EFR3B: variants seen among roughly 807,000 people sequenced by gnomAD.
EFR3B encodes the protein EFR3 homolog B, also known as protein EFR3 homolog B.
A neutral mutation model predicts 104.7 loss-of-function variants in EFR3B; 64 were observed. The observed-to-expected ratio is 0.61, with a 90% CI of 0.50 to 0.75. The LOEUF is 0.75. EFR3B is among the 30% of genes least tolerant of loss of function. The pLI, the probability that EFR3B is intolerant of heterozygous loss-of-function variation, is 0.00. For missense variants in EFR3B, 750 were observed against 1,078.5 expected, an observed-to-expected ratio of 0.70 and a Z score of 4.27; for synonymous variants, 385 against 417.9, an observed-to-expected ratio of 0.92 and a Z score of 0.96.
rs1207521528 is a variant in EFR3B at position 25,042,395 on chromosome 2, C to A, written c.7+76C>A. 2 of 1,228,364 alleles carry A rather than the reference C, an allele frequency of 1.6e-6. No individual in the cohort carries two copies. Among genetic ancestry groups the A allele is most frequent in the South Asian group, 3.7e-5 (1 of 27,222 alleles). 76.1% of individuals were successfully genotyped at this position (1,228,364 alleles called of 1,614,324 possible). On this transcript the variant is annotated intron_variant, in intron 1 of 22. Coordinates refer to ENST00000403714, the MANE Select transcript of EFR3B (RefSeq NM_014971.2). The surrounding 1 kb of genome is among the most constrained non-coding windows in gnomAD (Gnocchi z 5.4). Reference sequence around the variant, plus strand: ...ACTTCCCCGGCGCGGACCATTGTCCCCCTGCACGGCCCTGGCGCGGGGCCA... The same window carrying A: ...ACTTCCCCGGCGCGGACCATTGTCCACCTGCACGGCCCTGGCGCGGGGCCA...
chr2:25,049,314 C>T (rs1002052133), intron 1 of EFR3B, among the ~76,000 whole-genome samples: 3 of 152,164 alleles, frequency 2.0e-5, no homozygotes, highest in Non-Finnish European at 2.9e-5. Flanking sequence ...GAGTTATTAA[C>T]TACTTGCCTG....
chr2:25,061,301 C>G (rs568154513), intron 1 of EFR3B, among the ~76,000 whole-genome samples: 1 of 151,582 alleles, frequency 6.6e-6, no homozygotes, highest in Non-Finnish European at 1.5e-5. Context: ...TTGGTAGAGA[C>G]GGGGTTTCAC....
chr2:25,086,181 T>C (rs533322500), intron 1 of EFR3B, among the ~76,000 whole-genome samples: 3 of 152,216 alleles, frequency 2.0e-5, no homozygotes, highest in Admixed American at 6.5e-5. Flanking sequence ...GACATCTTGG[T>C]TGCTTCCAAG....
At chr2:25,091,031 C>T (rs1669098168) in intron 1 of EFR3B, among the ~76,000 whole-genome samples, 1 of 152,196 alleles carries the variant, frequency 6.6e-6, no homozygotes, top group African/African-American at 2.4e-5. Context: ...GAAGCCTCAC[C>T]CCTCAAAATG....
intron 1 of EFR3B, among the ~76,000 whole-genome samples, chr2:25,049,953 A>G (rs1157970087): frequency 1.2e-5 from 1 of 83,880 alleles, no homozygotes; most frequent in Admixed American, 9.8e-5. Context: ...CATTTCTACT[A>G]AAAAAAAAAA....
intron 1 of EFR3B, among the ~76,000 whole-genome samples, chr2:25,067,474 G>A (rs1275111053): frequency 6.9e-6 from 1 of 144,760 alleles, no homozygotes; most frequent in Non-Finnish European, 1.5e-5. Flanking sequence ...TCACTCTGTT[G>A]CCCAGGCTGG....
At chr2:25,063,104 A>AT (rs1668243888) in intron 1 of EFR3B, among the ~76,000 whole-genome samples, 1 of 148,110 alleles carries the variant, frequency 6.8e-6, no homozygotes, top group African/African-American at 2.5e-5. Context: ...CCCCTGGCTA[A>AT]TTTTTTTGTA....
At chr2:25,094,282 C>CAAAAAA (rs11455802) in intron 3 of EFR3B, among the ~76,000 whole-genome samples, 6,754 of 91,408 alleles carry the variant, frequency 0.074, 866 homozygotes, top group African/African-American at 0.26. Context: ...GAGACTGTCT[C>CAAAAAA]AAAAAAAAAA....
chr2:25,132,600 C>T (rs908606788), intron 10 of EFR3B, among the ~76,000 whole-genome samples: 1 of 151,802 alleles, frequency 6.6e-6, no homozygotes, highest in Non-Finnish European at 1.5e-5. Context: ...CCCGACCCCC[C>T]GCTCCGCCCT....
At chr2:25,050,732 T>A (rs1667843245) in intron 1 of EFR3B, among the ~76,000 whole-genome samples, 1 of 152,146 alleles carries the variant, frequency 6.6e-6, no homozygotes, top group South Asian at 2.1e-4. Flanking sequence ...ATGTTGCAAA[T>A]TCCATTTTGA....
intron 6 of EFR3B, among the ~76,000 whole-genome samples, chr2:25,129,386 G>A (rs1165792852): frequency 1.3e-5 from 2 of 150,522 alleles, no homozygotes; most frequent in African/African-American, 2.4e-5. Context: ...GGTGGGGTTC[G>A]TATGCCATCT....
chr2:25,098,462 C>T (rs991520967), intron 3 of EFR3B, among the ~76,000 whole-genome samples: 3 of 152,150 alleles, frequency 2.0e-5, no homozygotes, highest in East Asian at 3.8e-4. Context: ...CCAGGACACC[C>T]GCCCCAGATC....
intron 10 of EFR3B, among the ~76,000 whole-genome samples, chr2:25,132,397 T>C (rs1670369994): frequency 6.6e-6 from 1 of 151,754 alleles, no homozygotes; most frequent in Non-Finnish European, 1.5e-5. Flanking sequence ...GCGGAGAAAA[T>C]GTGTGTGCTC....
chr2:25,139,213 G>A (rs1289541233), intron 16 of EFR3B, 23 bp downstream of exon 16: 4 of 1,544,654 alleles, frequency 2.6e-6, no homozygotes, highest in Admixed American at 4.1e-5. Context: ...ACGACCAAGA[G>A]CTCAGGGGGC....
At chr2:25,058,634 C>T (rs1668089823) in intron 1 of EFR3B, among the ~76,000 whole-genome samples, 1 of 152,016 alleles carries the variant, frequency 6.6e-6, no homozygotes, top group Non-Finnish European at 1.5e-5. Flanking sequence ...TGGCGAGTGC[C>T]TGTAGTTCCA....
intron 1 of EFR3B, among the ~76,000 whole-genome samples, chr2:25,085,419 A>T (rs2149181631): frequency 6.6e-6 from 1 of 152,332 alleles, no homozygotes; most frequent in Non-Finnish European, 1.5e-5. Context: ...AAAGTAGGTA[A>T]TAAATGTCTT....
intron 4 of EFR3B, among the ~76,000 whole-genome samples, chr2:25,108,764 C>T (rs891303679): frequency 6.6e-6 from 1 of 152,038 alleles, no homozygotes; most frequent in Non-Finnish European, 1.5e-5. Flanking sequence ...TTTGGGAGGC[C>T]GAGGTGGGTG....
At chr2:25,045,603 G>A (rs1239989477) in intron 1 of EFR3B, among the ~76,000 whole-genome samples, 1 of 151,994 alleles carries the variant, frequency 6.6e-6, no homozygotes, top group Non-Finnish European at 1.5e-5. Context: ...CCAACATGGC[G>A]AAACCCCGTC....
chr2:25,110,200 C>T (rs527614286), intron 4 of EFR3B, among the ~76,000 whole-genome samples: 2 of 152,302 alleles, frequency 1.3e-5, no homozygotes, highest in East Asian at 3.9e-4. Flanking sequence ...CTGCCACCCT[C>T]CGGGGCCCTC....
Sources: gnomAD v4.1 joint callset for allele counts (sites outside exome capture counted in the v4.1 genomes callset) on GRCh38, gnomAD v4.1.1 for gene constraint, Gnocchi (gnomAD v3.1) non-coding constraint, MANE v1.5 for transcripts, NCBI Gene and HGNC (gene_info 2026-07-23, HGNC 2026-07-21) for gene names.